SPATS2L: variants seen among roughly 807,000 people sequenced by gnomAD.
The protein encoded by SPATS2L is spermatogenesis associated serine rich 2 like, also known as SPATS2-like protein.
SPATS2L carries 30 observed loss-of-function variants against 59.6 expected under a neutral mutation model. The ratio of observed to expected loss-of-function variants is 0.50; its 90% CI spans 0.38 to 0.68. The LOEUF (loss-of-function observed/expected upper bound fraction) is 0.68, where lower values mean the gene tolerates loss of function less well. SPATS2L is among the 30% of genes least tolerant of loss of function. SPATS2L has a pLI of 0.00. For synonymous variants in SPATS2L, 252 were observed against 263.5 expected, an observed-to-expected ratio of 0.96 and a Z score of 0.42; for missense variants, 615 against 700.0, an observed-to-expected ratio of 0.88 and a Z score of 1.37.
At chr2:200,465,201 C>T (rs1028125823) in intron 9 of SPATS2L, among the ~76,000 whole-genome samples, 3 of 152,190 alleles carry the variant, frequency 2.0e-5, no homozygotes, top group Non-Finnish European at 4.4e-5. Flanking sequence ...AACCATGGCA[C>T]ACTGGGCACC....
intron 3 of SPATS2L, among the ~76,000 whole-genome samples, chr2:200,396,856 G>A (rs1275162822): frequency 1.3e-5 from 2 of 152,136 alleles, no homozygotes; most frequent in African/African-American, 4.8e-5. Flanking sequence ...CATGAAACAG[G>A]TTCTTGTCAT....
At chr2:200,423,581 A>G (rs2083401301) in intron 6 of SPATS2L, among the ~76,000 whole-genome samples, 1 of 152,208 alleles carries the variant, frequency 6.6e-6, no homozygotes, top group Non-Finnish European at 1.5e-5. Context: ...GTTACTGCTA[A>G]AACCATGGGT....
At chr2:200,369,610 T>G (rs1446759472) in intron 2 of SPATS2L, among the ~76,000 whole-genome samples, 2 of 151,958 alleles carry the variant, frequency 1.3e-5, no homozygotes, top group Admixed American at 6.6e-5. Context: ...TTAATAAGTA[T>G]TAAGTACTGG....
At chr2:200,454,256 T>A (rs984647968) in intron 8 of SPATS2L, among the ~76,000 whole-genome samples, 3 of 152,204 alleles carry the variant, frequency 2.0e-5, no homozygotes, top group African/African-American at 7.2e-5. Context: ...CATTCCTCGG[T>A]ATCTACCAGC....
At chr2:200,376,787 C>T (rs1222702090) in intron 2 of SPATS2L, among the ~76,000 whole-genome samples, 1 of 152,246 alleles carries the variant, frequency 6.6e-6, no homozygotes, top group Non-Finnish European at 1.5e-5. Flanking sequence ...GTTCGTATTT[C>T]CTTAGCAGGG....
chr2:200,435,241 C>T (rs2084202250), intron 6 of SPATS2L, among the ~76,000 whole-genome samples: 1 of 152,064 alleles, frequency 6.6e-6, no homozygotes, highest in South Asian at 2.1e-4. Context: ...ACATTATATA[C>T]CATTTGTGTG....
intron 8 of SPATS2L, among the ~76,000 whole-genome samples, chr2:200,454,105 TC>T (rs1436581182): frequency 1.3e-5 from 2 of 152,290 alleles, no homozygotes; most frequent in East Asian, 1.9e-4. Context: ...GATCAGATGG[TC>T]CCCGGCAATT....
intron 2 of SPATS2L, among the ~76,000 whole-genome samples, chr2:200,369,863 A>G (rs1209040581): frequency 6.6e-6 from 1 of 152,040 alleles, no homozygotes; most frequent in Non-Finnish European, 1.5e-5. Context: ...TTTCGTAAAG[A>G]AAAAAAATAA....
rs1262756247 is a variant in SPATS2L at position 200,306,807 on chromosome 2, G to C, written c.-188G>C. The C allele has an allele frequency of 2.0e-6, 2 of 980,896 alleles. No homozygotes were observed. Among genetic ancestry groups the C allele is most frequent in the African/African-American group, 3.5e-5 (2 of 56,788 alleles). 60.8% of individuals were successfully genotyped at this position (980,896 alleles called of 1,614,324 possible). On this transcript the variant is annotated 5_prime_UTR_variant, in exon 1 of 13. Coordinates refer to ENST00000409140, the MANE Select transcript of SPATS2L (RefSeq NM_001100423.2). Reference sequence around the variant, plus strand: ...GCGCGCGGCCCAGGCAGCGGCTCCCGCTCGGCCCGCCCTCCGAGCCGCAGG... The same window carrying C: ...GCGCGCGGCCCAGGCAGCGGCTCCCCCTCGGCCCGCCCTCCGAGCCGCAGG...
intron 7 of SPATS2L, 94 bp downstream of exon 7, chr2:200,439,422 TG>T: frequency 2.3e-5 from 23 of 1,021,480 alleles, no homozygotes; most frequent in Non-Finnish European, 3.2e-5. Context: ...TGCTGCTTAG[TG>T]AAGAGAGATG....
At chr2:200,428,063 G>T in intron 6 of SPATS2L, among the ~76,000 whole-genome samples, 1 of 130,042 alleles carries the variant, frequency 7.7e-6, no homozygotes, top group African/African-American at 2.9e-5. Flanking sequence ...GCGAGACCGT[G>T]TCTCAAAAAC....
intron 3 of SPATS2L, among the ~76,000 whole-genome samples, chr2:200,396,033 A>AATAAATATAT (rs1553520466): frequency 4.7e-5 from 1 of 21,148 alleles, no homozygotes; most frequent in Non-Finnish European, 9.0e-5. Flanking sequence ...AAAAAAAAAA[A>AATAAATATAT]ATATATATAT....
At chr2:200,331,811 G>C (rs907915181) in intron 2 of SPATS2L, among the ~76,000 whole-genome samples, 1 of 152,156 alleles carries the variant, frequency 6.6e-6, no homozygotes. Context: ...GTTGTTATTG[G>C]TAAGACAGTG....
Position 200,375,007 on chromosome 2 carries a change from T to C in SPATS2L, c.-22-14216T>C, listed in dbSNP as rs531811586. Among the ~76,000 whole-genome samples the C allele has an allele frequency of 2.3e-3, 344 of 152,348 alleles. 1 individual carries two copies. Among genetic ancestry groups the C allele is most frequent in the Non-Finnish European group, 4.0e-3 (270 of 68,036 alleles). ...CTTGTACACCATTGGAAGCATCTGGTACTTTCTGAACTTCCCCCAGTGTGA... is the reference window on the plus strand; with the variant it reads ...CTTGTACACCATTGGAAGCATCTGGCACTTTCTGAACTTCCCCCAGTGTGA... On this transcript the variant is annotated intron_variant, in intron 2 of 12. Coordinates refer to ENST00000409140, the MANE Select transcript of SPATS2L (RefSeq NM_001100423.2).
intron 2 of SPATS2L, among the ~76,000 whole-genome samples, chr2:200,380,468 C>T (rs1355569675): frequency 2.0e-5 from 3 of 152,220 alleles, no homozygotes; most frequent in Non-Finnish European, 4.4e-5. Context: ...AGGTCTCAAA[C>T]TTGCATGAGC....
intron 2 of SPATS2L, among the ~76,000 whole-genome samples, chr2:200,348,538 G>T (rs944687413): frequency 1.9e-4 from 29 of 152,314 alleles, no homozygotes; most frequent in African/African-American, 7.0e-4. Flanking sequence ...TTCCTGCAGT[G>T]GCCAGGGACT....
chr2:200,411,018 T>C (rs1004881592), intron 3 of SPATS2L, among the ~76,000 whole-genome samples: 1 of 149,050 alleles, frequency 6.7e-6, no homozygotes, highest in Non-Finnish European at 1.5e-5. Context: ...CACATACATA[T>C]ATATATATAT....
chr2:200,378,467 T>G, intron 2 of SPATS2L: 1 of 879,626 alleles, frequency 1.1e-6, no homozygotes, highest in Non-Finnish European at 1.4e-6. Context: ...CAACTGGAAG[T>G]CCAAGCCCTG....
At chr2:200,312,667 A>C (rs1035508990) in intron 1 of SPATS2L, among the ~76,000 whole-genome samples, 2 of 152,242 alleles carry the variant, frequency 1.3e-5, no homozygotes, top group African/African-American at 4.8e-5. Flanking sequence ...ACTGAAGCCT[A>C]GAAAGGTTGA....
Sources: gnomAD v4.1 joint callset for allele counts (sites outside exome capture counted in the v4.1 genomes callset) on GRCh38, gnomAD v4.1.1 for gene constraint, MANE v1.5 for transcripts, NCBI Gene and HGNC (gene_info 2026-07-23, HGNC 2026-07-21) for gene names.